Variants in ZFR observed in about 807,000 individuals in gnomAD.
The protein encoded by ZFR is zinc finger RNA-binding protein.
In ZFR, 19 loss-of-function variants were observed where a neutral mutation model predicts 130.7. The ratio of observed to expected loss-of-function variants is 0.15; its 90% CI spans 0.10 to 0.21. The LOEUF is 0.21. ZFR is among the 10% of genes least tolerant of loss of function. The pLI, the probability that ZFR is intolerant of heterozygous loss-of-function variation, is 1.00. For synonymous variants in ZFR, 466 were observed against 456.9 expected (o/e 1.02, Z -0.25); for missense variants, 872 against 1,321.5 (o/e 0.66, Z 5.27).
chr5:32,428,483 A>T (rs1187707950), intron 2 of ZFR, among the ~76,000 whole-genome samples: 1 of 152,198 alleles, frequency 6.6e-6, no homozygotes, highest in African/African-American at 2.4e-5. Flanking sequence ...CTGAGACAGG[A>T]GGATCACTTG....
At chr5:32,363,125 T>C (rs1208744676) in intron 19 of ZFR, among the ~76,000 whole-genome samples, 3 of 152,198 alleles carry the variant, frequency 2.0e-5, no homozygotes, top group African/African-American at 7.2e-5. Context: ...CTGACATCTT[T>C]CAAATTCCAA....
Position 32,436,235 on chromosome 5 carries a change from G to A in ZFR, c.137+7994C>T, listed in dbSNP as rs376339593. On this transcript the variant is annotated intron_variant, in intron 2 of 19. Coordinates refer to ENST00000265069, the MANE Select transcript of ZFR (RefSeq NM_016107.5). ...GCGATCTCGGCTCACTGCAAGCTCC[G>A]CCTCCTGGGTTCACACCATTCTCCT... Among the ~76,000 whole-genome samples, 95 of 132,256 alleles carry A rather than the reference G, an allele frequency of 7.2e-4. 3 individuals are homozygous for A. The East Asian group carries it at 0.02, about 28-fold the overall frequency. 86.8% of individuals were successfully genotyped at this position (132,256 alleles called of 152,430 possible). A position where few individuals can be genotyped will look rare whatever the true frequency, so the allele number is the denominator to read the frequency against.
At chr5:32,410,283 CAAAAAAAAAAAA>C (rs3065266) in intron 5 of ZFR, among the ~76,000 whole-genome samples, 29,153 of 113,156 alleles carry the variant, frequency 0.26, 3,960 homozygotes, top group African/African-American at 0.44. Context: ...ACACTGTCTC[CAAAAAAAAAAAA>C]AAAAAAAAAA....
chr5:32,403,413 A>G lies in ZFR; in HGVS notation c.1225-16T>C. The G allele has an allele frequency of 6.2e-7, 1 of 1,601,840 alleles. No homozygotes were observed. The highest frequency in any genetic ancestry group is 1.1e-5 in the South Asian group (1 of 90,326). ...ACTTAACCACCTATAAAACAAAAGC[A>G]CACTTATTTGTCAGGAAACTCAAAT... is the stretch of plus-strand genomic sequence containing the variant. On this transcript the variant is annotated splice_polypyrimidine_tract_variant and intron_variant, in intron 7 of 19. Transcript: ENST00000265069.
chr5:32,389,687 G>C (rs1753119047), intron 12 of ZFR, among the ~76,000 whole-genome samples: 2 of 152,286 alleles, frequency 1.3e-5, no homozygotes, highest in South Asian at 4.2e-4. Flanking sequence ...GAAAACCAAA[G>C]GCAAGAGTCT....
At chr5:32,391,743 C>G (rs1325828498) in intron 11 of ZFR, among the ~76,000 whole-genome samples, 1 of 152,036 alleles carries the variant, frequency 6.6e-6, no homozygotes, top group Non-Finnish European at 1.5e-5. Flanking sequence ...CCAATTTCCT[C>G]AGGTTGGGAA....
chr5:32,390,664 C>T (rs762244592), intron 11 of ZFR, among the ~76,000 whole-genome samples: 4 of 152,152 alleles, frequency 2.6e-5, no homozygotes, highest in Non-Finnish European at 1.5e-5. Context: ...GTAAAAAGAA[C>T]AGGCATCAGA....
At chr5:32,391,936 GT>G (rs1467786007) in intron 11 of ZFR, among the ~76,000 whole-genome samples, 15 of 152,164 alleles carry the variant, frequency 9.9e-5, no homozygotes, top group African/African-American at 3.4e-4. Context: ...GTCTTGTCAT[GT>G]TGCCTAGGCT....
chr5:32,434,894 T>G (rs930112574), intron 2 of ZFR, among the ~76,000 whole-genome samples: 1 of 152,128 alleles, frequency 6.6e-6, no homozygotes, highest in Non-Finnish European at 1.5e-5. Context: ...ATAAATTAAT[T>G]AAAATGAAGT....
chr5:32,372,764 G>T (rs1298614514), intron 17 of ZFR, among the ~76,000 whole-genome samples: 1 of 152,004 alleles, frequency 6.6e-6, no homozygotes, highest in Non-Finnish European at 1.5e-5. Flanking sequence ...GAACCCAGGA[G>T]GTGGAGGTTA....
chr5:32,370,726 A>G (rs1398150555), intron 17 of ZFR, among the ~76,000 whole-genome samples: 2 of 152,220 alleles, frequency 1.3e-5, no homozygotes, highest in Non-Finnish European at 2.9e-5. Flanking sequence ...TACTGCAGTT[A>G]TACTATTCTA....
At chr5:32,377,719 A>C (rs1412301423) in intron 17 of ZFR, among the ~76,000 whole-genome samples, 1 of 151,970 alleles carries the variant, frequency 6.6e-6, no homozygotes, top group Non-Finnish European at 1.5e-5. Flanking sequence ...ATGAAGTCTC[A>C]CTCTGTCACC....
chr5:32,436,564 A>G lies in ZFR; in HGVS notation c.137+7665T>C, dbSNP rs555683432. ...TTTCATCCATATTCACCAGCCACCT[A>G]CTGAATAATGGCTAACATTGATAGA... On this transcript the variant is annotated intron_variant, in intron 2 of 19. Coordinates refer to ENST00000265069, the MANE Select transcript of ZFR (RefSeq NM_016107.5). Among the ~76,000 whole-genome samples, 14 of 152,322 alleles carry G rather than the reference A, an allele frequency of 9.2e-5. No individual in the cohort carries two copies. The East Asian group carries it at 1.5e-3, about 17-fold the overall frequency.
At chr5:32,389,313 C>T (rs1405295808) in intron 12 of ZFR, among the ~76,000 whole-genome samples, 2 of 152,070 alleles carry the variant, frequency 1.3e-5, no homozygotes, top group Non-Finnish European at 2.9e-5. Context: ...TTCTAAGCCA[C>T]TGGTAATGGA....
intron 5 of ZFR, among the ~76,000 whole-genome samples, chr5:32,414,244 G>A (rs887907804): frequency 6.6e-6 from 1 of 152,114 alleles, no homozygotes; most frequent in African/African-American, 2.4e-5. Flanking sequence ...GCACCCTAGA[G>A]TAAGAGATAA....
intron 17 of ZFR, among the ~76,000 whole-genome samples, chr5:32,368,754 C>T (rs550214052): frequency 7.9e-5 from 12 of 152,312 alleles, no homozygotes; most frequent in African/African-American, 2.6e-4. Context: ...TGCTTATCCT[C>T]GCTAAGTGAT....
intron 17 of ZFR, among the ~76,000 whole-genome samples, chr5:32,377,171 A>T (rs1300236742): frequency 5.9e-5 from 9 of 151,274 alleles, no homozygotes; most frequent in South Asian, 2.1e-4. Flanking sequence ...AAAAAAAAAA[A>T]AAAAAAAAAG....
chr5:32,396,472 G>A lies in ZFR; in HGVS notation c.1833+747C>T, dbSNP rs183701509. On this transcript the variant is annotated intron_variant, in intron 10 of 19. Transcript: ENST00000265069. The stretch of plus-strand genomic sequence containing the variant: ...ACTTCAAATACAGGCCAGGCACGGT[G>A]GCTCACGCATGTAATCCCAGCACTT... Among the ~76,000 whole-genome samples, 487 of 152,042 alleles carry A rather than the reference G, an allele frequency of 3.2e-3. 8 individuals carry two copies. The highest frequency in any genetic ancestry group is 2.8e-3 in the Non-Finnish European group (192 of 67,968).
rs546704771 is a variant in ZFR at position 32,415,865 on chromosome 5, T to C, written c.566-678A>G. Reference sequence around the variant, plus strand: ...TTATGACTAAATTAATAATCACTTGTAAATGATCACTAAAGCACATAAATG... The same window carrying C: ...TTATGACTAAATTAATAATCACTTGCAAATGATCACTAAAGCACATAAATG... On this transcript the variant is annotated intron_variant, in intron 4 of 19. Coordinates refer to ENST00000265069, the MANE Select transcript of ZFR (RefSeq NM_016107.5). Among the ~76,000 whole-genome samples, 3 of 152,322 alleles carry C rather than the reference T, an allele frequency of 2.0e-5. No homozygotes were observed. In the East Asian group the frequency reaches 5.8e-4, roughly 29 times the overall value.
Sources: gnomAD v4.1 joint callset for allele counts (sites outside exome capture counted in the v4.1 genomes callset) on GRCh38, gnomAD v4.1.1 for gene constraint, MANE v1.5 for transcripts, NCBI Gene and HGNC (gene_info 2026-07-23, HGNC 2026-07-21) for gene names.